Variants in TNS3 observed in about 807,000 individuals in gnomAD.
TNS3 encodes the protein tensin-3.
TNS3 carries 45 observed loss-of-function variants against 140.9 expected under a neutral mutation model. That is an observed-to-expected ratio of 0.32 (90% CI 0.25 to 0.41). The LOEUF (loss-of-function observed/expected upper bound fraction) is 0.41, where lower values mean the gene tolerates loss of function less well. Among genes scored for constraint, TNS3 ranks in the 10% least tolerant of loss-of-function variants. The pLI is 1.00. For missense variants in TNS3, 1,716 were observed against 1,906.7 expected (o/e 0.90, Z 1.86); for synonymous variants, 815 against 788.4 (o/e 1.03, Z -0.56).
At chr7:47,332,595 A>G (rs1788404458) in intron 20 of TNS3, among the ~76,000 whole-genome samples, 2 of 152,010 alleles carry the variant, frequency 1.3e-5, no homozygotes, top group African/African-American at 4.8e-5. Context: ...CAATTCTCAT[A>G]GACAATGGGG....
intron 24 of TNS3, among the ~76,000 whole-genome samples, chr7:47,296,023 A>G (rs1262504362): frequency 6.6e-6 from 1 of 152,182 alleles, no homozygotes; most frequent in Non-Finnish European, 1.5e-5. Flanking sequence ...CCTTACTGGG[A>G]ACCAACGACC....
chr7:47,354,513 C>T (rs1329095339), intron 17 of TNS3, among the ~76,000 whole-genome samples: 5 of 152,174 alleles, frequency 3.3e-5, no homozygotes, highest in African/African-American at 9.7e-5. Flanking sequence ...GCACACACAC[C>T]CTGATCTCTC....
In TNS3 at chr7:47,368,795, T is replaced by G; in HGVS notation, c.1851A>C (p.Ala617=). The G allele has an allele frequency of 6.2e-7, 1 of 1,606,984 alleles. No individual in the cohort carries two copies. Among genetic ancestry groups the G allele is most frequent in the South Asian group, 1.1e-5 (1 of 89,866 alleles). ...GEARLVSRCP[A]DNPGLVQAQP... ...GGGCCTGGACGAGGCCAGGATTGTC[T>G]GCAGGGCAGCGGCTCACCAGCCGGG... Residue 617 remains alanine, a synonymous_variant, in exon 17 of 31, where the codon GCA becomes GCC. Transcript: ENST00000311160.
At chr7:47,368,234 G>T in intron 17 of TNS3, 131 bp downstream of exon 17, 1 of 1,004,212 alleles carries the variant, frequency 1.0e-6, no homozygotes, top group Non-Finnish European at 1.3e-6. Flanking sequence ...CACAAGAGTT[G>T]AAACTGCAAG....
chr7:47,534,851 C>A (rs769426585), intron 1 of TNS3, among the ~76,000 whole-genome samples: 7 of 152,144 alleles, frequency 4.6e-5, no homozygotes, highest in Non-Finnish European at 7.4e-5. Context: ...TTACCGTAAT[C>A]ACCACTAGTC....
chr7:47,276,186 C>A lies in TNS3; in HGVS notation c.*1890G>T. 1 of 190,124 alleles carries A rather than the reference C, an allele frequency of 5.3e-6. No homozygotes were observed. The allele number at this position is 190,124 out of a possible 1,614,324, so 11.8% of individuals were successfully genotyped here. On this transcript the variant is annotated 3_prime_UTR_variant, in exon 31 of 31. Coordinates refer to ENST00000311160, the MANE Select transcript of TNS3 (RefSeq NM_022748.12). ...CAGCACCTCCTGACAGTCATGCCAC[C>A]GCAAGTTAGAGAAGGAGGTCCACAA...
intron 17 of TNS3, among the ~76,000 whole-genome samples, chr7:47,347,354 T>C (rs1789403618): frequency 6.6e-6 from 1 of 152,136 alleles, no homozygotes; most frequent in Non-Finnish European, 1.5e-5. Context: ...GTCCATGATA[T>C]GCCACTGACA....
At chr7:47,304,027 C>T (rs889939503) in intron 21 of TNS3, among the ~76,000 whole-genome samples, 3 of 152,304 alleles carry the variant, frequency 2.0e-5, no homozygotes, top group South Asian at 2.1e-4. Context: ...AATGCCCTCC[C>T]GTCTTGTCCC....
chr7:47,390,820 G>A (rs753972704), intron 16 of TNS3, among the ~76,000 whole-genome samples: 4 of 152,030 alleles, frequency 2.6e-5, no homozygotes, highest in East Asian at 1.9e-4. Flanking sequence ...ACTCTCCATC[G>A]CCAGAGCCAC....
chr7:47,412,274 A>C (rs1284671753), intron 12 of TNS3, among the ~76,000 whole-genome samples: 1 of 152,234 alleles, frequency 6.6e-6, no homozygotes, highest in Non-Finnish European at 1.5e-5. Flanking sequence ...AAAAAGACAA[A>C]GAAAACTCAG....
intron 1 of TNS3, among the ~76,000 whole-genome samples, chr7:47,543,777 G>A (rs1408201461): frequency 2.6e-5 from 4 of 152,144 alleles, no homozygotes; most frequent in Admixed American, 6.5e-5. Flanking sequence ...CAAAGTTCCC[G>A]GGCACGCAGC....
rs1354544006 is a variant in TNS3 at position 47,524,808 on chromosome 7, C to CAAAAAAAAAAAA, written c.-153+4227_-153+4228insTTTTTTTTTTTT. On this transcript the variant is annotated intron_variant, in intron 2 of 30. Coordinates refer to ENST00000311160, the MANE Select transcript of TNS3 (RefSeq NM_022748.12). ...TGGGCGACAGAGCGAGACTCCGTCT[C>CAAAAAAAAAAAA]AAGAAAAAAAAAAAAAAAAAAAAAA... Among the ~76,000 whole-genome samples, 15 of 25,258 alleles carry CAAAAAAAAAAAA rather than the reference C, an allele frequency of 5.9e-4. 3 individuals carry two copies. Among genetic ancestry groups the CAAAAAAAAAAAA allele is most frequent in the East Asian group, 3.2e-3 (2 of 624 alleles). 16.6% of individuals were successfully genotyped at this position (25,258 alleles called of 152,430 possible). A position where few individuals can be genotyped will look rare whatever the true frequency, so the allele number is the denominator to read the frequency against.
chr7:47,472,958 A>C (rs1797019725), intron 4 of TNS3, among the ~76,000 whole-genome samples: 1 of 152,162 alleles, frequency 6.6e-6, no homozygotes, highest in Non-Finnish European at 1.5e-5. Flanking sequence ...AGACGGACTT[A>C]CAGTGCTGGC....
At chr7:47,427,041 G>A (rs1011987302) in intron 9 of TNS3, among the ~76,000 whole-genome samples, 6 of 147,974 alleles carry the variant, frequency 4.1e-5, no homozygotes, top group Admixed American at 7.1e-5. Context: ...CAGGAGAATC[G>A]CTTGAACCCG....
chr7:47,385,397 A>C lies in TNS3; in HGVS notation c.1024+11403T>G, dbSNP rs183676306. Among the ~76,000 whole-genome samples the C allele has an allele frequency of 2.0e-5, 3 of 152,270 alleles. No homozygotes were observed. The East Asian group carries it at 5.8e-4, about 29-fold the overall frequency. On this transcript the variant is annotated intron_variant, in intron 16 of 30. Coordinates refer to ENST00000311160, the MANE Select transcript of TNS3 (RefSeq NM_022748.12). ...GCAAGGGTGAGCTCTGACAACAACA[A>C]CCATTAGCCATTCCAGCCCTGTCCT...
At chr7:47,360,022 C>G (rs1790225040) in intron 17 of TNS3, among the ~76,000 whole-genome samples, 3 of 152,202 alleles carry the variant, frequency 2.0e-5, no homozygotes, top group Admixed American at 2.0e-4. Context: ...AGGCCCCCTG[C>G]TTTGCAGAGT....
At chr7:47,296,862 A>G (rs1447085488) in intron 24 of TNS3, among the ~76,000 whole-genome samples, 1 of 152,228 alleles carries the variant, frequency 6.6e-6, no homozygotes, top group Non-Finnish European at 1.5e-5. Flanking sequence ...GAACAATGAA[A>G]TGGATTACCT....
chr7:47,282,248 C>T (rs1785184736), intron 28 of TNS3, among the ~76,000 whole-genome samples: 1 of 150,768 alleles, frequency 6.6e-6, no homozygotes, highest in African/African-American at 2.4e-5. Flanking sequence ...CTGAGCCATA[C>T]CCAACTGGGA....
chr7:47,550,484 C>T (rs149543768), intron 1 of TNS3, among the ~76,000 whole-genome samples: 456 of 152,310 alleles, frequency 3.0e-3, no homozygotes, highest in African/African-American at 0.01. Flanking sequence ...AAGCAAGATG[C>T]TGTCCCTAGT....
Sources: allele counts gnomAD v4.1 joint callset (sites outside exome capture counted in the v4.1 genomes callset), GRCh38; gene constraint gnomAD v4.1.1; transcripts MANE v1.5; gene names NCBI Gene and HGNC (gene_info 2026-07-23, HGNC 2026-07-21).